The following MICAL2 variants were observed in gnomAD, a reference collection of about 807,000 sequenced individuals.
MICAL2 encodes microtubule associated monooxygenase, calponin and LIM domain containing 2, also known as [F-actin]-monooxygenase MICAL2.
A neutral mutation model predicts 127.3 loss-of-function variants in MICAL2; 77 were observed. The observed-to-expected ratio is 0.60, with a 90% CI of 0.50 to 0.73. The LOEUF (loss-of-function observed/expected upper bound fraction) is 0.73, where lower values mean the gene tolerates loss of function less well. Among genes scored for constraint, MICAL2 ranks in the 30% least tolerant of loss-of-function variants. MICAL2 has a pLI of 0.00. For synonymous variants in MICAL2, 570 were observed against 551.1 expected, an observed-to-expected ratio of 1.03 and a Z score of -0.48; for missense variants, 1,351 against 1,434.4, an observed-to-expected ratio of 0.94 and a Z score of 0.94.
chr11:12,284,951 T>C (rs1015420789), intron 2 of MICAL2, among the ~76,000 whole-genome samples: 2 of 152,006 alleles, frequency 1.3e-5, no homozygotes, highest in Admixed American at 6.5e-5. Flanking sequence ...AGCTGATTTC[T>C]CAAGACAGGG....
chr11:12,166,944 G>A (rs1343333595), intron 3 of MICAL2, among the ~76,000 whole-genome samples: 1 of 152,150 alleles, frequency 6.6e-6, no homozygotes. Flanking sequence ...GGGAAAGGAG[G>A]AGTGTGTGGG....
At chr11:12,232,554 C>A (rs1471919256) in intron 15 of MICAL2, among the ~76,000 whole-genome samples, 1 of 152,142 alleles carries the variant, frequency 6.6e-6, no homozygotes, top group African/African-American at 2.4e-5. Flanking sequence ...GAAACCCTGT[C>A]TCTACTAAAA....
chr11:12,274,537 G>A (rs1863704831), upstream of MICAL2: 1 of 152,296 alleles, frequency 6.6e-6, no homozygotes, highest in Non-Finnish European at 1.5e-5. Flanking sequence ...GTCAGGGCAG[G>A]TGACGTTCCA....
chr11:12,260,601 G>A, intron 26 of MICAL2: 2 of 989,648 alleles, frequency 2.0e-6, no homozygotes, highest in South Asian at 4.7e-5. Context: ...ATGAAAATGA[G>A]TGTGCCATCT....
chr11:12,291,005 G>T (rs952140567), downstream of MICAL2, among the ~76,000 whole-genome samples: 14 of 152,154 alleles, frequency 9.2e-5, no homozygotes, highest in Admixed American at 9.2e-4. Flanking sequence ...CTAAGAAGTG[G>T]ATGAAAATCT....
exon 35 of MICAL2, chr11:12,358,381 G>T: frequency 6.2e-7 from 1 of 1,614,114 alleles, no homozygotes; most frequent in Non-Finnish European, 8.5e-7. Context: ...GGACAAACTC[G>T]TCGATTCCTT....
In MICAL2 at chr11:12,166,209, G is replaced by A. The variant is rs537649058; in HGVS notation, c.264+3790G>A. 7.2e-5 allele frequency among the ~76,000 whole-genome samples: 11 copies of A among 152,328 alleles called. No homozygotes were observed. The South Asian group carries it at 2.3e-3, about 32-fold the overall frequency. ...GAAGGAACTTAAGCAGATGTTATGT[G>A]CAATCTCTGCATTTAACAGGCCACA... On this transcript the variant is annotated intron_variant, in intron 3 of 27. Coordinates refer to ENST00000683283, the MANE Select transcript of MICAL2 (RefSeq NM_001282663.2).
chr11:12,151,872 A>G (rs576062942), intron 2 of MICAL2, among the ~76,000 whole-genome samples: 53 of 152,226 alleles, frequency 3.5e-4, no homozygotes, highest in Admixed American at 3.3e-3. Flanking sequence ...CACAACACCC[A>G]CCAAGGCTCC....
intron 32 of MICAL2, among the ~76,000 whole-genome samples, chr11:12,329,149 C>T (rs1864386425): frequency 6.6e-6 from 1 of 152,130 alleles, no homozygotes; most frequent in Non-Finnish European, 1.5e-5. Flanking sequence ...TTAATCAATA[C>T]CTGTTTGTTT....
At chr11:12,272,391 T>A (rs1863683674), upstream of MICAL2, among the ~76,000 whole-genome samples, 1 of 152,194 alleles carries the variant, frequency 6.6e-6, no homozygotes. Context: ...TCTTATCACG[T>A]AGATATTTGT....
chr11:12,137,870 G>T (rs1851976264), intron 1 of MICAL2, among the ~76,000 whole-genome samples: 1 of 152,108 alleles, frequency 6.6e-6, no homozygotes, highest in South Asian at 2.1e-4. Context: ...AAATAATGTG[G>T]GTCGTCACTG....
chr11:12,160,814 C>A (rs1001227558), intron 2 of MICAL2, among the ~76,000 whole-genome samples: 1 of 152,240 alleles, frequency 6.6e-6, no homozygotes, highest in Non-Finnish European at 1.5e-5. Flanking sequence ...GTATTCCCGG[C>A]CCCTTGAGTG....
intron 3 of MICAL2, among the ~76,000 whole-genome samples, chr11:12,175,428 A>C (rs1171715857): frequency 6.6e-6 from 1 of 152,122 alleles, no homozygotes; most frequent in Non-Finnish European, 1.5e-5. Context: ...GTGAGCCGAG[A>C]TTGCGCCACT....
At chr11:12,252,239 GA>G (rs1861642260) in intron 22 of MICAL2, among the ~76,000 whole-genome samples, 1 of 152,208 alleles carries the variant, frequency 6.6e-6, no homozygotes, top group Non-Finnish European at 1.5e-5. Flanking sequence ...ACCTTTCTTG[GA>G]AGCAGGGGCT....
intron 32 of MICAL2, among the ~76,000 whole-genome samples, chr11:12,328,328 C>T (rs1328327862): frequency 2.6e-5 from 4 of 152,080 alleles, no homozygotes; most frequent in Admixed American, 6.5e-5. Flanking sequence ...TAGGGTACAA[C>T]GTGAACAGAA....
intron 21 of MICAL2, 34 bp from the exon 22 acceptor site, chr11:12,249,150 C>T (rs1861181256): frequency 4.3e-6 from 7 of 1,611,516 alleles, no homozygotes; most frequent in Non-Finnish European, 5.9e-6. Flanking sequence ...AGCTTATTTA[C>T]CTAAAATGCA....
At chr11:12,213,226 G>C in intron 6 of MICAL2, 29 bp from the exon 7 acceptor site, 1 of 1,581,926 alleles carries the variant, frequency 6.3e-7, no homozygotes. Context: ...CCAGAAGATA[G>C]ACCCACTTTT....
At chr11:12,205,393 AG>A (rs760521465) in intron 4 of MICAL2, among the ~76,000 whole-genome samples, 8 of 152,218 alleles carry the variant, frequency 5.3e-5, no homozygotes, top group Non-Finnish European at 8.8e-5. Flanking sequence ...AAACACCTGC[AG>A]GATGTAAAAC....
rs181726054 is a variant in MICAL2 at position 12,218,289 on chromosome 11, C to T, written c.949-1912C>T. Among the ~76,000 whole-genome samples, 23 of 152,338 alleles carry T rather than the reference C, an allele frequency of 1.5e-4. No individual in the cohort carries two copies. The East Asian group carries it at 4.1e-3, about 27-fold the overall frequency. On this transcript the variant is annotated intron_variant, in intron 8 of 27. Coordinates refer to ENST00000683283, the MANE Select transcript of MICAL2 (RefSeq NM_001282663.2). ...GGGCCCCTGCCTCTGCTGGCCCATA[C>T]GTGTGTGGGCTGGGATTCTGTCCTC...
Sources: gnomAD v4.1 joint callset for allele counts (sites outside exome capture counted in the v4.1 genomes callset) on GRCh38, gnomAD v4.1.1 for gene constraint, MANE v1.5 for transcripts, NCBI Gene and HGNC (gene_info 2026-07-23, HGNC 2026-07-21) for gene names.